PLCB4: variants seen among roughly 807,000 people sequenced by gnomAD.
PLCB4 encodes 1-phosphatidylinositol 4,5-bisphosphate phosphodiesterase beta-4.
A neutral mutation model predicts 178.8 loss-of-function variants in PLCB4; 77 were observed. The ratio of observed to expected loss-of-function variants is 0.43; its 90% confidence interval spans 0.36 to 0.52. The LOEUF (loss-of-function observed/expected upper bound fraction) is 0.52, where lower values mean the gene tolerates loss of function less well. PLCB4 is among the 20% of genes least tolerant of loss of function. PLCB4 has a pLI of 0.00. For synonymous variants in PLCB4, 496 were observed against 490.8 expected, an observed-to-expected ratio of 1.01 and a Z score of -0.14; for missense variants, 1,024 against 1,453.4, an observed-to-expected ratio of 0.70 and a Z score of 4.80.
Position 9,339,005 on chromosome 20 carries a change from T to C in PLCB4, c.337T>C (p.Tyr113His), listed in dbSNP as rs1425323930. Reference protein sequence around the residue: ...GTDLVNISFTYMVAENPEVTK... With the variant: ...GTDLVNISFTHMVAENPEVTK... Reference sequence around the variant, plus strand: ...AGATCTAGTGAACATTAGTTTTACCTACATGGTGGCTGAAAATCCAGAAGT... The same window carrying C: ...AGATCTAGTGAACATTAGTTTTACCCACATGGTGGCTGAAAATCCAGAAGT... Residue 113 changes from tyrosine to histidine, a missense_variant, in exon 7 of 40, where the codon TAC becomes CAC. Physicochemically the swap from Tyr to His is moderately conservative, Grantham distance 83 (BLOSUM62 2). Around this residue, in one of 7 missense-constraint regions of PLCB4, gnomAD observed 225 missense variants for 291.0 expected, o/e 0.77. Coordinates refer to ENST00000378473, the MANE Select transcript of PLCB4 (RefSeq NM_001377142.1). 3 of 1,613,318 alleles carry C rather than the reference T, an allele frequency of 1.9e-6. No homozygotes were observed. The highest frequency in any genetic ancestry group is 2.5e-6 in the Non-Finnish European group (3 of 1,179,482).
chr20:9,405,814 C>CA (rs2039393757), intron 21 of PLCB4, among the ~76,000 whole-genome samples: 1 of 152,154 alleles, frequency 6.6e-6, no homozygotes, highest in Admixed American at 6.6e-5. Context: ...CAAGTGATCA[C>CA]AGTGGTTTTA....
chr20:9,248,195 A>G (rs2094144643), intron 3 of PLCB4, among the ~76,000 whole-genome samples: 1 of 152,184 alleles, frequency 6.6e-6, no homozygotes, highest in African/African-American at 2.4e-5. Flanking sequence ...ATATACGTAT[A>G]TACACATAAC....
chr20:9,157,709 A>G (rs544623602), intron 2 of PLCB4, among the ~76,000 whole-genome samples: 2 of 152,304 alleles, frequency 1.3e-5, no homozygotes, highest in African/African-American at 2.4e-5. Context: ...TTCACAGACC[A>G]AAGAGTTGAG....
In PLCB4 at chr20:9,241,820, C is replaced by T. The variant is rs147268462; in HGVS notation, c.-16+24368C>T. 7.4e-3 allele frequency among the ~76,000 whole-genome samples: 1,124 copies of T among 152,274 alleles called. 17 individuals carry two copies. The highest frequency in any genetic ancestry group is 0.026 in the African/African-American group (1,081 of 41,572). On this transcript the variant is annotated intron_variant, in intron 3 of 39. Coordinates refer to ENST00000378473, the MANE Select transcript of PLCB4 (RefSeq NM_001377142.1). ...ATGACAATAAACATTTATTTTTGGT[C>T]ACAAATTAATGGGTCAGCTAGGCTT...
intron 3 of PLCB4, chr20:9,280,547 T>A: frequency 1.4e-6 from 1 of 707,558 alleles, no homozygotes; most frequent in Non-Finnish European, 1.7e-6. Flanking sequence ...AGGAAAGCAT[T>A]CTCCTTAGGA....
At chr20:9,320,847 C>G (rs570699992) in intron 4 of PLCB4, among the ~76,000 whole-genome samples, 1 of 152,142 alleles carries the variant, frequency 6.6e-6, no homozygotes, top group African/African-American at 2.4e-5. Flanking sequence ...ATTATTAGGC[C>G]CCACCCCAGA....
chr20:9,137,745 GTTT>G (rs10717027), intron 2 of PLCB4, among the ~76,000 whole-genome samples: 79 of 140,014 alleles, frequency 5.6e-4, no homozygotes, highest in African/African-American at 1.8e-3. Context: ...TTTTTCTCAA[GTTT>G]TTTTTTTTTT....
At chr20:9,468,476 G>T in intron 35 of PLCB4, 95 bp from the exon 36 acceptor site, 1 of 763,862 alleles carries the variant, frequency 1.3e-6, no homozygotes, top group Non-Finnish European at 2.3e-6. Flanking sequence ...CCCACCTCTA[G>T]AACTTTCTCA....
chr20:9,423,702 G>A (rs755132641), intron 27 of PLCB4, 46 bp from the exon 28 acceptor site: 2 of 1,453,170 alleles, frequency 1.4e-6, no homozygotes, highest in Admixed American at 1.7e-5. Flanking sequence ...CATGGTTCTT[G>A]GGCGCTGCAT....
intron 2 of PLCB4, among the ~76,000 whole-genome samples, chr20:9,164,532 G>T (rs2092939126): frequency 1.3e-5 from 2 of 151,994 alleles, no homozygotes; most frequent in African/African-American, 4.8e-5. Flanking sequence ...TGACTGATTA[G>T]AATCTATATA....
chr20:9,231,851 G>A (rs1034171216), intron 3 of PLCB4, among the ~76,000 whole-genome samples: 4 of 152,070 alleles, frequency 2.6e-5, no homozygotes, highest in African/African-American at 4.8e-5. Context: ...ACTCGTAAAC[G>A]TATGTTCATA....
intron 18 of PLCB4, among the ~76,000 whole-genome samples, chr20:9,394,236 C>T (rs1194986376): frequency 6.6e-6 from 1 of 152,120 alleles, no homozygotes; most frequent in African/African-American, 2.4e-5. Context: ...GGCATGATTA[C>T]ACTTCATTTT....
In PLCB4 at chr20:9,349,984, G is replaced by A. The variant is rs539477659; in HGVS notation, c.369+10947G>A. ...GTGGGCAGAATCCCTTGTATTACATGAGACTTTGTTGCCTCCAAGCTCTAT... is the reference window on the plus strand; with the variant it reads ...GTGGGCAGAATCCCTTGTATTACATAAGACTTTGTTGCCTCCAAGCTCTAT... On this transcript the variant is annotated intron_variant, in intron 7 of 39. Transcript: ENST00000378473. 2.9e-4 allele frequency among the ~76,000 whole-genome samples: 44 copies of A among 152,210 alleles called. 1 individual carries two copies. The highest frequency in any genetic ancestry group is 6.8e-3 in the Middle Eastern group (2 of 294).
rs542225298 is a variant in PLCB4, at chr20:9,127,090, G to T, written c.-79+30748G>T. ...AAGAGAGTGGACGTTTTACCACCAA[G>T]GCACTAGAGGTTTAGTAGCTCTAAC... On this transcript the variant is annotated intron_variant, in intron 2 of 39. Coordinates refer to ENST00000378473, the MANE Select transcript of PLCB4 (RefSeq NM_001377142.1). Among the ~76,000 whole-genome samples the T allele has an allele frequency of 9.2e-5, 14 of 152,210 alleles. No individual in the cohort carries two copies. In the South Asian group the frequency reaches 2.7e-3, roughly 29 times the overall value.
chr20:9,140,791 G>A (rs554693412), intron 2 of PLCB4, among the ~76,000 whole-genome samples: 10 of 152,092 alleles, frequency 6.6e-5, no homozygotes, highest in South Asian at 6.2e-4. Context: ...TACAGCCTGC[G>A]GAACCGTGAA....
At chr20:9,461,312 G>A (rs1181841244) in intron 35 of PLCB4, among the ~76,000 whole-genome samples, 1 of 152,220 alleles carries the variant, frequency 6.6e-6, no homozygotes, top group Non-Finnish European at 1.5e-5. Context: ...AATAAGAACA[G>A]GTCCAGTCTG....
At chr20:9,461,300 T>A (rs1464252786) in intron 35 of PLCB4, among the ~76,000 whole-genome samples, 1 of 152,214 alleles carries the variant, frequency 6.6e-6, no homozygotes, top group Non-Finnish European at 1.5e-5. Context: ...CCAAGATGGC[T>A]GAATAAGAAC....
At chr20:9,310,254 C>A (rs369044742) in intron 4 of PLCB4, among the ~76,000 whole-genome samples, 1 of 152,146 alleles carries the variant, frequency 6.6e-6, no homozygotes, top group South Asian at 2.1e-4. Flanking sequence ...AAAGCCAGTG[C>A]GAGGAATAAG....
intron 2 of PLCB4, among the ~76,000 whole-genome samples, chr20:9,134,522 G>A (rs892835404): frequency 2.6e-5 from 4 of 151,848 alleles, no homozygotes; most frequent in Non-Finnish European, 4.4e-5. Context: ...CAGCTGACCC[G>A]TCTTCATGTT....
Sources: allele counts gnomAD v4.1 joint callset (sites outside exome capture counted in the v4.1 genomes callset), GRCh38; gene constraint gnomAD v4.1.1; regional missense constraint gnomAD v4.1.1; transcripts MANE v1.5; gene names NCBI Gene and HGNC (gene_info 2026-07-23, HGNC 2026-07-21).